The following ABTB2 variants were observed in gnomAD, a reference collection of about 807,000 sequenced individuals.
ABTB2 encodes ankyrin repeat and BTB domain containing 2, also known as ankyrin repeat and BTB/POZ domain-containing protein 2.
ABTB2 carries 56 observed loss-of-function variants against 104.1 expected under a neutral mutation model. That is an observed-to-expected ratio of 0.54 (90% CI 0.43 to 0.67). The LOEUF (loss-of-function observed/expected upper bound fraction) is 0.67, where lower values mean the gene tolerates loss of function less well. Ranked by LOEUF, ABTB2 falls within the 30% of genes least tolerant of loss-of-function variation. The pLI is 0.00. For missense variants in ABTB2, 1,279 were observed against 1,407.7 expected (o/e 0.91, Z 1.46); for synonymous variants, 606 against 608.2 (o/e 1.00, Z 0.05).
intron 1 of ABTB2, among the ~76,000 whole-genome samples, chr11:34,289,751 T>TGAG (rs1854545760): frequency 6.6e-6 from 1 of 152,114 alleles, no homozygotes; most frequent in African/African-American, 2.4e-5. Context: ...AGAGTGGGTC[T>TGAG]TGCCCTCAGC....
chr11:34,164,062 G>T (rs1024829272), intron 9 of ABTB2, among the ~76,000 whole-genome samples: 4 of 152,156 alleles, frequency 2.6e-5, no homozygotes, highest in Non-Finnish European at 5.9e-5. Context: ...GGCAAGAATG[G>T]TGTCGGGGAA....
chr11:34,294,800 C>T (rs1854601344), intron 1 of ABTB2, among the ~76,000 whole-genome samples: 1 of 152,002 alleles, frequency 6.6e-6, no homozygotes, highest in Admixed American at 6.6e-5. Context: ...ATGTAACCTC[C>T]ACCTCCCGGG....
Position 34,192,556 on chromosome 11 carries a change from T to A in ABTB2, c.1244+4769A>T, listed in dbSNP as rs185833191. Among the ~76,000 whole-genome samples, 32 of 152,344 alleles carry A rather than the reference T, an allele frequency of 2.1e-4. No individual in the cohort carries two copies. The East Asian group carries it at 5.8e-3, about 28-fold the overall frequency. ...ACTCCTCCTGTTTTCATGTCCTGGATACCAGCAGGCTCCAAGCCTTCTGAG... is the reference window on the plus strand; with the variant it reads ...ACTCCTCCTGTTTTCATGTCCTGGAAACCAGCAGGCTCCAAGCCTTCTGAG... On this transcript the variant is annotated intron_variant, in intron 3 of 16. Transcript: ENST00000435224.
At chr11:34,321,678 T>TCAA (rs1855005250) in intron 1 of ABTB2, among the ~76,000 whole-genome samples, 1 of 152,240 alleles carries the variant, frequency 6.6e-6, no homozygotes, top group Admixed American at 6.5e-5. Flanking sequence ...TTGGCCTGCA[T>TCAA]CAAGATGTTG....
intron 3 of ABTB2, among the ~76,000 whole-genome samples, chr11:34,195,961 C>T (rs916766508): frequency 6.6e-6 from 1 of 152,150 alleles, no homozygotes; most frequent in African/African-American, 2.4e-5. Flanking sequence ...GGTCTCAGAT[C>T]GTCTCCCTCC....
chr11:34,154,949 C>T lies in ABTB2; in HGVS notation c.2698-180G>A, dbSNP rs1025607637. On this transcript the variant is annotated intron_variant, in intron 14 of 16. Transcript: ENST00000435224. This position sits in a 1 kb window ranked among gnomAD's most constrained non-coding sequence, Gnocchi z 4.9. ...GAGACTTGTGTTTTCCCGGGGAAGC[C>T]AACTCCAAGACCCTCTCTCCTGAGT... is the stretch of plus-strand genomic sequence containing the variant. 3.9e-5 allele frequency among the ~76,000 whole-genome samples: 6 copies of T among 152,192 alleles called. No homozygotes were observed. Among genetic ancestry groups the T allele is most frequent in the African/African-American group, 1.4e-4 (6 of 41,450 alleles).
At chr11:34,198,440 ACAAAC>A (rs1246082469) in intron 2 of ABTB2, among the ~76,000 whole-genome samples, 239 of 104,136 alleles carry the variant, frequency 2.3e-3, no homozygotes, top group African/African-American at 9.1e-3. Flanking sequence ...AAAAAAACAA[ACAAAC>A]AACAACAACA....
Position 34,225,368 on chromosome 11 carries a change from G to A in ABTB2, c.884-20678C>T, listed in dbSNP as rs138414248. Among the ~76,000 whole-genome samples the A allele has an allele frequency of 2.7e-3, 404 of 152,294 alleles. 3 individuals carry two copies. Among genetic ancestry groups the A allele is most frequent in the East Asian group, 0.017 (89 of 5,186 alleles). On this transcript the variant is annotated intron_variant, in intron 1 of 16. Transcript: ENST00000435224. ...CCCCGCCACTGTTATGGCTGAAGTC[G>A]CCAGCTGTAAACAATAGCTCAGACT...
At chr11:34,232,527 G>A (rs1051660754) in intron 1 of ABTB2, among the ~76,000 whole-genome samples, 2 of 151,326 alleles carry the variant, frequency 1.3e-5, no homozygotes, top group African/African-American at 4.9e-5. Flanking sequence ...GCACCATCAC[G>A]AGGCCTAACC....
intron 1 of ABTB2, among the ~76,000 whole-genome samples, chr11:34,268,865 A>G (rs1196950912): frequency 6.6e-6 from 1 of 152,150 alleles, no homozygotes; most frequent in Non-Finnish European, 1.5e-5. Context: ...TCTTACTCTA[A>G]GGACACCAGG....
At chr11:34,199,648 T>A (rs1853311143) in intron 2 of ABTB2, among the ~76,000 whole-genome samples, 1 of 151,750 alleles carries the variant, frequency 6.6e-6, no homozygotes, top group Non-Finnish European at 1.5e-5. Flanking sequence ...TCAGGGAGGC[T>A]CCCCCGGAGG....
At chr11:34,218,601 C>T (rs1853575107) in intron 1 of ABTB2, among the ~76,000 whole-genome samples, 1 of 151,868 alleles carries the variant, frequency 6.6e-6, no homozygotes, top group African/African-American at 2.4e-5. Context: ...TGTAATCCCA[C>T]CACTTTGGGA....
In ABTB2 at chr11:34,161,173, A is replaced by T. The variant is rs868632955; in HGVS notation, c.2219-92T>A. ...CCTTTTCTGGGCAGACTCTCTCGGG[A>T]TGCCCCCGCTGTCTGCAGAGCACCC... On this transcript the variant is annotated intron_variant, in intron 10 of 16. Transcript: ENST00000435224. 3.4e-5 allele frequency: 45 copies of T among 1,326,302 alleles called. No homozygotes were observed. In the Middle Eastern group the frequency reaches 8.1e-4, roughly 24 times the overall value. 82.2% of individuals were successfully genotyped at this position (1,326,302 alleles called of 1,614,324 possible). A position where few individuals can be genotyped will look rare whatever the true frequency, so the allele number is the denominator to read the frequency against.
At chr11:34,224,218 T>C (rs754091131) in intron 1 of ABTB2, among the ~76,000 whole-genome samples, 2 of 152,124 alleles carry the variant, frequency 1.3e-5, no homozygotes, top group Non-Finnish European at 2.9e-5. Flanking sequence ...TCTCACTATA[T>C]TGCCCTGGAC....
chr11:34,204,419 G>C (rs1565140204), intron 2 of ABTB2, 125 bp downstream of exon 2: 1 of 1,198,212 alleles, frequency 8.3e-7, no homozygotes, highest in Non-Finnish European at 1.1e-6. Context: ...GGGAAGGCAA[G>C]GCACTTGGAG....
At chr11:34,152,687 C>T (rs1852562060) in intron 16 of ABTB2, 103 bp from the exon 17 acceptor site, 2 of 1,186,398 alleles carry the variant, frequency 1.7e-6, no homozygotes, top group Non-Finnish European at 2.4e-6. Flanking sequence ...CCTGATTAAG[C>T]CCCACTCTGG....
intron 1 of ABTB2, among the ~76,000 whole-genome samples, chr11:34,246,389 G>C (rs576926684): frequency 3.9e-5 from 6 of 152,160 alleles, no homozygotes; most frequent in African/African-American, 1.4e-4. Context: ...ATCATCTGAG[G>C]TTGGGAGTTC....
chr11:34,272,638 C>T (rs7933213), intron 1 of ABTB2, among the ~76,000 whole-genome samples: 16,757 of 139,860 alleles, frequency 0.12, 1,116 homozygotes, highest in Admixed American at 0.23. Flanking sequence ...ACCTGGGAGG[C>T]GGAGCTTGCA....
At chr11:34,195,088 T>TGGGGGGGGGGGG (rs1565137708) in intron 3 of ABTB2, among the ~76,000 whole-genome samples, 1 of 33,252 alleles carries the variant, frequency 3.0e-5, no homozygotes, top group Non-Finnish European at 7.3e-5. Context: ...GGGGGGGGAG[T>TGGGGGGGGGGGG]GGGGGCGGGA....
Sources: allele counts gnomAD v4.1 joint callset (sites outside exome capture counted in the v4.1 genomes callset), GRCh38; gene constraint gnomAD v4.1.1; non-coding constraint Gnocchi (gnomAD v3.1); transcripts MANE v1.5; gene names NCBI Gene and HGNC (gene_info 2026-07-23, HGNC 2026-07-21).